Variants in GJB7 observed in about 807,000 individuals in gnomAD.
GJB7 encodes the protein gap junction beta-7 protein.
For missense variants in GJB7, 253 were observed against 256.8 expected, an observed-to-expected ratio of 0.99 and a Z score of 0.10; for synonymous variants, 87 against 95.2, an observed-to-expected ratio of 0.91 and a Z score of 0.50.
At position 87,284,152 on chromosome 6, in the gene GJB7, G is replaced by A; in HGVS notation, c.*89C>T. On this transcript the variant is annotated 3_prime_UTR_variant, in exon 3 of 3. Transcript: ENST00000525899. ...ACAGAGTAGCTTTGCTTCAGGTAGA[G>A]GGAGTGTGTTTATGGCCAAGTGTGA... 1 of 1,028,188 alleles carries A rather than the reference G, an allele frequency of 9.7e-7. No individual in the cohort carries two copies. Among genetic ancestry groups the A allele is most frequent in the East Asian group, 2.4e-5 (1 of 41,884 alleles). The allele number at this position is 1,028,188 out of a possible 1,614,324, so 63.7% of individuals were successfully genotyped here.
intron 2 of GJB7, chr6:87,322,490 C>G (rs928331481): frequency 1.3e-5 from 2 of 152,414 alleles, no homozygotes; most frequent in Admixed American, 1.3e-4. Flanking sequence ...TCCCCGCAGC[C>G]CCGCGCCGCT....
intron 1 of GJB7, among the ~76,000 whole-genome samples, chr6:87,328,219 A>G (rs1942078157): frequency 6.6e-6 from 1 of 152,176 alleles, no homozygotes; most frequent in African/African-American, 2.4e-5. Context: ...CGTAGCTCGG[A>G]ATAATTTGAT....
rs149505464 is a variant in GJB7, at chr6:87,309,936, A to C, written c.-28+12930T>G. ...TTGCTGCAGAACACCTTGGTATGCA[A>C]GAGTCAAACATTGGTCATCATGGTA... On this transcript the variant is annotated intron_variant, in intron 2 of 2. Transcript: ENST00000525899. Among the ~76,000 whole-genome samples the C allele has an allele frequency of 4.3e-3, 649 of 152,340 alleles. 2 individuals are homozygous for C. The highest frequency in any genetic ancestry group is 0.015 in the African/African-American group (615 of 41,574).
Position 87,304,061 on chromosome 6 carries a change from C to G in GJB7, c.-28+18805G>C, listed in dbSNP as rs1312995362. 9.2e-5 allele frequency among the ~76,000 whole-genome samples: 14 copies of G among 152,200 alleles called. No homozygotes were observed. The East Asian group carries it at 2.1e-3, about 23-fold the overall frequency. On this transcript the variant is annotated intron_variant, in intron 2 of 2. Coordinates refer to ENST00000525899, the MANE Select transcript of GJB7 (RefSeq NM_198568.3). Reference sequence around the variant, plus strand: ...GGAAATTTATAGCACTAAATGCCCACAAGAGAAAGCAGGAAAGATCCAAAA... The same window carrying G: ...GGAAATTTATAGCACTAAATGCCCAGAAGAGAAAGCAGGAAAGATCCAAAA...
chr6:87,328,324 C>A (rs978939361), intron 1 of GJB7, among the ~76,000 whole-genome samples: 1 of 152,148 alleles, frequency 6.6e-6, no homozygotes, highest in Non-Finnish European at 1.5e-5. Flanking sequence ...GGAGGAGAGG[C>A]ACTCTGCTTT....
At chr6:87,302,860 T>A (rs1223805243) in intron 2 of GJB7, among the ~76,000 whole-genome samples, 1 of 151,944 alleles carries the variant, frequency 6.6e-6, no homozygotes, top group Non-Finnish European at 1.5e-5. Flanking sequence ...CAGAAGAGAG[T>A]GGGGGCCAAT....
Position 87,293,275 on chromosome 6 carries a change from C to T in GJB7, c.-27-8336G>A, listed in dbSNP as rs148073601. On this transcript the variant is annotated intron_variant, in intron 2 of 2. Coordinates refer to ENST00000525899, the MANE Select transcript of GJB7 (RefSeq NM_198568.3). Reference sequence around the variant, plus strand: ...CCATCTCTTCACCTCGTGATCTGCCCGCCTCGGCCTCCCAAAGTGTTGGGA... The same window carrying T: ...CCATCTCTTCACCTCGTGATCTGCCTGCCTCGGCCTCCCAAAGTGTTGGGA... Among the ~76,000 whole-genome samples the T allele has an allele frequency of 3.7e-3, 556 of 152,264 alleles. 2 individuals carry two copies. The highest frequency in any genetic ancestry group is 0.013 in the African/African-American group (531 of 41,560).
At chr6:87,323,436 C>A (rs1293696589) in intron 1 of GJB7, among the ~76,000 whole-genome samples, 1 of 119,320 alleles carries the variant, frequency 8.4e-6, no homozygotes, top group Admixed American at 1.0e-4. Context: ...CCCCCCACCC[C>A]ACAACAGACC....
chr6:87,295,834 T>C (rs1365475273), intron 2 of GJB7, among the ~76,000 whole-genome samples: 1 of 152,208 alleles, frequency 6.6e-6, no homozygotes, highest in African/African-American at 2.4e-5. Flanking sequence ...TTAAATATGT[T>C]CTAAGCAATT....
At chr6:87,303,525 A>C (rs1324069030) in intron 2 of GJB7, among the ~76,000 whole-genome samples, 1 of 152,242 alleles carries the variant, frequency 6.6e-6, no homozygotes, top group Non-Finnish European at 1.5e-5. Flanking sequence ...AGATTCATAA[A>C]GCAAGCCCTT....
chr6:87,284,884 A>G lies in GJB7; in HGVS notation c.29T>C (p.Leu10Pro), dbSNP rs2127895488. ...AGTGGAGTATTTATTTACTCCACTC[A>G]GGAGATCTCTGAGGAACATCCAACT... MSWMFLRDL[L>P]SGVNKYSTGT... The change falls in exon 3 of 3, where the codon CTG (leucine) becomes CCG (proline). Residue 10 changes from leucine (L) to proline (P), a missense_variant. Physicochemically the swap from Leu to Pro is moderately conservative, Grantham distance 98. Transcript: ENST00000525899. The G allele has an allele frequency of 6.2e-7, 1 of 1,613,436 alleles. No homozygotes were observed. The highest frequency in any genetic ancestry group is 1.7e-4 in the Middle Eastern group (1 of 6,060).
intron 2 of GJB7, among the ~76,000 whole-genome samples, chr6:87,315,856 C>CATTCCTG (rs1230291872): frequency 3.4e-5 from 5 of 148,798 alleles, no homozygotes; most frequent in African/African-American, 1.2e-4. Context: ...TGAGACAAGA[C>CATTCCTG]ATTCCTGTTG....
intron 2 of GJB7, among the ~76,000 whole-genome samples, chr6:87,294,829 C>A (rs911875577): frequency 6.6e-6 from 1 of 152,154 alleles, no homozygotes; most frequent in Non-Finnish European, 1.5e-5. Flanking sequence ...ATTTCTAATT[C>A]CAGGTTTGTT....
chr6:87,317,605 A>AT (rs1776601705), intron 2 of GJB7, among the ~76,000 whole-genome samples: 1 of 151,860 alleles, frequency 6.6e-6, no homozygotes, highest in African/African-American at 2.4e-5. Flanking sequence ...AATTTTTTGT[A>AT]TTTTTAGTAG....
intron 2 of GJB7, among the ~76,000 whole-genome samples, chr6:87,315,053 C>G (rs1776561334): frequency 1.3e-5 from 2 of 152,144 alleles, no homozygotes; most frequent in African/African-American, 4.8e-5. Flanking sequence ...CTCTGGCCCC[C>G]TCATTTAATT....
intron 2 of GJB7, among the ~76,000 whole-genome samples, chr6:87,308,035 A>G (rs1582563954): frequency 6.6e-6 from 1 of 152,246 alleles, no homozygotes; most frequent in Non-Finnish European, 1.5e-5. Context: ...ACTATGGAAT[A>G]CTATGTAGCC....
chr6:87,297,197 T>C (rs1325005998), intron 2 of GJB7, among the ~76,000 whole-genome samples: 2 of 152,150 alleles, frequency 1.3e-5, no homozygotes, highest in African/African-American at 4.8e-5. Context: ...TTTAGTGAGG[T>C]GTATTTATGT....
intron 2 of GJB7, among the ~76,000 whole-genome samples, chr6:87,315,664 G>T (rs1323076927): frequency 1.3e-5 from 2 of 151,766 alleles, no homozygotes; most frequent in Admixed American, 6.6e-5. Context: ...GGCATAGTGG[G>T]GTGTGCCTGT....
At chr6:87,286,543 T>A (rs1582552268) in intron 2 of GJB7, among the ~76,000 whole-genome samples, 2 of 152,226 alleles carry the variant, frequency 1.3e-5, no homozygotes, top group East Asian at 3.8e-4. Flanking sequence ...TCTCTTAAAC[T>A]TCTTCGCATC....
Sources: gnomAD v4.1 joint callset for allele counts (sites outside exome capture counted in the v4.1 genomes callset) on GRCh38, gnomAD v4.1.1 for gene constraint, MANE v1.5 for transcripts, NCBI Gene and HGNC (gene_info 2026-07-23, HGNC 2026-07-21) for gene names.